Variants in CD163 observed in about 807,000 individuals in gnomAD.
CD163 encodes CD163 molecule.
In CD163, 64 loss-of-function variants were observed where a neutral mutation model predicts 129.2. That is an observed-to-expected ratio of 0.50 (90% CI 0.41 to 0.61). The LOEUF (loss-of-function observed/expected upper bound fraction) is 0.61, where lower values mean the gene tolerates loss of function less well. Among genes scored for constraint, CD163 ranks in the 20% least tolerant of loss-of-function variants. The pLI is 0.00. For missense variants in CD163, 1,061 were observed against 1,377.9 expected (o/e 0.77, Z 3.64); for synonymous variants, 446 against 478.5 (o/e 0.93, Z 0.89).
In CD163 at chr12:7,497,029, A is replaced by T. The variant is rs1335729194; in HGVS notation, c.883T>A (p.Trp295Arg). 6.2e-7 allele frequency: 1 copy of T among 1,614,092 alleles called. No individual in the cohort carries two copies. Among genetic ancestry groups the T allele is most frequent in the South Asian group, 1.1e-5 (1 of 91,080 alleles). ...GEWGTICDDG[W>R]DSYDAAVACK... ...GCCACAGCAGCATCGTAACTGTCCC[A>T]GCCGTCATCACATATTGTCCCCCAT... is the stretch of plus-strand genomic sequence containing the variant. The change falls in exon 5 of 17, where the codon TGG (tryptophan) becomes AGG (arginine). Residue 295 changes from tryptophan (W) to arginine (R), a missense_variant. Trp to Arg is a moderately radical substitution (Grantham distance 101). Transcript: ENST00000432237.
chr12:7,487,733 A>G lies in CD163; in HGVS notation c.1735+40T>C. ...ATGACTCCCTAACCCTGTCCCTTTC[A>G]CAGTATGAGAACCAATTAAAGATGT... On this transcript the variant is annotated intron_variant, in intron 7 of 16. Transcript: ENST00000432237. The surrounding 1 kb of genome is among the most constrained non-coding windows in gnomAD (Gnocchi z 5.1). 2 of 1,614,022 alleles carry G rather than the reference A, an allele frequency of 1.2e-6. No homozygotes were observed. The highest frequency in any genetic ancestry group is 1.7e-6 in the Non-Finnish European group (2 of 1,180,004).
chr12:7,502,059 T>C (rs1237319834), intron 2 of CD163, among the ~76,000 whole-genome samples: 1 of 152,236 alleles, frequency 6.6e-6, no homozygotes, highest in African/African-American at 2.4e-5. Context: ...AGTTGCCTCC[T>C]TGGCATTATT....
At chr12:7,486,286 G>A (rs2136706919) in intron 10 of CD163, among the ~76,000 whole-genome samples, 1 of 152,110 alleles carries the variant, frequency 6.6e-6, no homozygotes, top group East Asian at 1.9e-4. Flanking sequence ...TGATATACAA[G>A]ACCATTTCTG....
chr12:7,472,122 G>T (rs1250300751), intron 16 of CD163, among the ~76,000 whole-genome samples: 1 of 152,182 alleles, frequency 6.6e-6, no homozygotes, highest in African/African-American at 2.4e-5. Context: ...GGCGGCTGTG[G>T]GTGCAGCTTC....
At position 7,487,448 on chromosome 12, in the gene CD163, C is replaced by T; in HGVS notation, c.1961G>A (p.Gly654Glu). The T allele has an allele frequency of 6.2e-7, 1 of 1,614,038 alleles. No individual in the cohort carries two copies. Among genetic ancestry groups the T allele is most frequent in the Non-Finnish European group, 8.5e-7 (1 of 1,179,978 alleles). ...ACAATCTCCCATGTGCTGCTCAGTC[C>T]CAGTGCAGTGAAACATATGCCTCCA... The part of the protein sequence containing the change: ...QIWRHMFHCT[G>E]TEQHMGDCPV... Residue 654 changes from glycine (G) to glutamate (E), a missense_variant, in exon 8 of 17, where the codon GGG (glycine) becomes GAG (glutamate). Gly to Glu is a moderately conservative substitution (Grantham distance 98, BLOSUM62 -2). Transcript: ENST00000432237. The surrounding 1 kb of genome is among the most constrained non-coding windows in gnomAD (Gnocchi z 5.1).
At chr12:7,491,125 A>C (rs1949321260) in intron 6 of CD163, among the ~76,000 whole-genome samples, 1 of 151,756 alleles carries the variant, frequency 6.6e-6, no homozygotes, top group South Asian at 2.1e-4. Context: ...ACCAAAAGAA[A>C]ACCAGTGAAA....
Position 7,487,301 on chromosome 12 carries a change from T to G in CD163, c.2050+58A>C. 1 of 1,501,486 alleles carries G rather than the reference T, an allele frequency of 6.7e-7. No homozygotes were observed. 93.0% of individuals were successfully genotyped at this position (1,501,486 alleles called of 1,614,324 possible). On this transcript the variant is annotated intron_variant, in intron 8 of 16. Coordinates refer to ENST00000432237, the MANE Select transcript of CD163 (RefSeq NM_203416.4). The surrounding 1 kb of genome is among the most constrained non-coding windows in gnomAD (Gnocchi z 5.1). ...GATCACTGCGTTTTACTTTTGTTCT[T>G]CATCCCTATGTACACCTTCTCTTAA...
At position 7,485,108 on chromosome 12, in the gene CD163, T is replaced by C; in HGVS notation, c.2767A>G (p.Ile923Val). The C allele has an allele frequency of 6.2e-7, 1 of 1,604,382 alleles. No homozygotes were observed. Among genetic ancestry groups the C allele is most frequent in the Non-Finnish European group, 8.5e-7 (1 of 1,174,238 alleles). Residue 923 changes from isoleucine to valine, a missense_variant, in exon 11 of 17, where the codon ATC becomes GTC. Physicochemically the swap from Ile to Val is conservative, Grantham distance 29. Coordinates refer to ENST00000432237, the MANE Select transcript of CD163 (RefSeq NM_203416.4). The surrounding 1 kb of genome is among the most constrained non-coding windows in gnomAD (Gnocchi z 4.5). The stretch of plus-strand genomic sequence containing the variant: ...GATGGATACTCACTGTCACATGTGA[T>C]CCAGGTCTCCTCCGAGGGGCTGGCC... ...RLASPSEETW[I>V]TCDNKIRLQE... is the part of the protein sequence containing the mutation.
intron 15 of CD163, 118 bp downstream of exon 15, chr12:7,481,043 A>G: frequency 6.9e-7 from 1 of 1,457,800 alleles, no homozygotes; most frequent in South Asian, 1.5e-5. Flanking sequence ...ATATGCATCT[A>G]AGCTTCCTAT....
intron 3 of CD163, among the ~76,000 whole-genome samples, chr12:7,499,793 G>A (rs1205914406): frequency 6.6e-6 from 1 of 152,108 alleles, no homozygotes; most frequent in Non-Finnish European, 1.5e-5. Context: ...GGAGGAGAAG[G>A]AAGAGGAAGA....
chr12:7,472,424 G>A (rs1949017923), intron 16 of CD163, among the ~76,000 whole-genome samples: 2 of 152,200 alleles, frequency 1.3e-5, no homozygotes, highest in African/African-American at 4.8e-5. Flanking sequence ...GTAATACCCA[G>A]GCAAATAGGG....
chr12:7,497,274 G>A, intron 4 of CD163, 141 bp from the exon 5 acceptor site: 1 of 675,092 alleles, frequency 1.5e-6, no homozygotes, highest in Middle Eastern at 2.9e-4. Context: ...TACTACCACT[G>A]GAAATCATTC....
At chr12:7,484,743 T>C (rs1047825403) in intron 11 of CD163, among the ~76,000 whole-genome samples, 2 of 151,946 alleles carry the variant, frequency 1.3e-5, no homozygotes, top group African/African-American at 4.8e-5. Flanking sequence ...CAAGATAATA[T>C]TTGAAAGAAA....
At position 7,486,655 on chromosome 12, in the gene CD163, C is replaced by A; in HGVS notation, c.2302G>T (p.Ala768Ser). 1 of 1,614,164 alleles carries A rather than the reference C, an allele frequency of 6.2e-7. No homozygotes were observed. The highest frequency in any genetic ancestry group is 8.5e-7 in the Non-Finnish European group (1 of 1,180,030). ...RQLGCGEAIN[A>S]TGSAHFGEGT... is the part of the protein sequence containing the mutation. ...TCCCCAAAATGAGCAGAACCAGTGGCATTAATGGCCTCTCCACAGCCCAGC... is the reference window on the plus strand; with the variant it reads ...TCCCCAAAATGAGCAGAACCAGTGGAATTAATGGCCTCTCCACAGCCCAGC... The change falls in exon 10 of 17, where the codon GCC becomes TCC. Residue 768 changes from alanine (A) to serine (S), a missense_variant. Ala to Ser is a moderately conservative substitution (Grantham distance 99, BLOSUM62 1). Coordinates refer to ENST00000432237, the MANE Select transcript of CD163 (RefSeq NM_203416.4).
chr12:7,502,228 T>G (rs1478125973), intron 2 of CD163, among the ~76,000 whole-genome samples: 1 of 152,246 alleles, frequency 6.6e-6, no homozygotes, highest in East Asian at 1.9e-4. Context: ...TATTTTTCAG[T>G]TCAACATTAT....
rs759201230 is a variant in CD163 at position 7,482,995 on chromosome 12, A to G, written c.3098T>C (p.Val1033Ala). The change falls in exon 13 of 17, where the codon GTG (valine) becomes GCG (alanine). Residue 1033 changes from valine to alanine, a missense_variant. Physicochemically the swap from Val to Ala is moderately conservative, Grantham distance 64. Coordinates refer to ENST00000432237, the MANE Select transcript of CD163 (RefSeq NM_203416.4). Reference sequence around the variant, plus strand: ...TGTGGCTTTTTGTGGGGTTTTCTGCACTGAAATATCTGTAGGAGAAAAGAA... The same window carrying G: ...TGTGGCTTTTTGTGGGGTTTTCTGCGCTGAAATATCTGTAGGAGAAAAGAA... ...DAAVNCTDIS[V>A]QKTPQKATTG... 10 of 1,613,722 alleles carry G rather than the reference A, an allele frequency of 6.2e-6. 1 individual carries two copies. The South Asian group carries it at 1.1e-4, about 18-fold the overall frequency.
Position 7,498,983 on chromosome 12 carries a change from G to A in CD163, c.663C>T (p.Ile221=). The A allele has an allele frequency of 6.2e-7, 1 of 1,614,064 alleles. No individual in the cohort carries two copies. Among genetic ancestry groups the A allele is most frequent in the Non-Finnish European group, 8.5e-7 (1 of 1,179,990 alleles). Residue 221 remains isoleucine (I), a synonymous_variant, in exon 4 of 17, where the codon ATC becomes ATT. Transcript: ENST00000432237. The part of the protein sequence containing the change: ...SSNFGEGSGP[I]WFDDLICNGN... ...CGTTGCATATAAGATCATCAAACCAGATTGGTCCAGAGCCTTCTCCAAAAT... is the reference window on the plus strand; with the variant it reads ...CGTTGCATATAAGATCATCAAACCAAATTGGTCCAGAGCCTTCTCCAAAAT...
At chr12:7,484,082 C>T (rs987025250) in intron 11 of CD163, among the ~76,000 whole-genome samples, 2 of 151,192 alleles carry the variant, frequency 1.3e-5, no homozygotes, top group African/African-American at 4.9e-5. Context: ...CCTCGTGATC[C>T]GCCCACCTCG....
At chr12:7,477,090 G>A (rs759051926) in intron 16 of CD163, among the ~76,000 whole-genome samples, 85 of 152,228 alleles carry the variant, frequency 5.6e-4, no homozygotes, top group South Asian at 6.2e-4. Flanking sequence ...AGGAAACAAC[G>A]GATGCTGGAG....
Sources: gnomAD v4.1 joint callset for allele counts (sites outside exome capture counted in the v4.1 genomes callset) on GRCh38, gnomAD v4.1.1 for gene constraint, Gnocchi (gnomAD v3.1) non-coding constraint, MANE v1.5 for transcripts, NCBI Gene and HGNC (gene_info 2026-07-23, HGNC 2026-07-21) for gene names.